EPM2A: variants seen among roughly 807,000 people sequenced by gnomAD.
The protein encoded by EPM2A is laforin.
EPM2A carries 21 observed loss-of-function variants against 26.5 expected under a neutral mutation model. That is an observed-to-expected ratio of 0.79 (90% CI 0.56 to 1.14). EPM2A has a LOEUF of 1.14. Ranked by LOEUF, EPM2A falls within the 50% of genes most tolerant of loss-of-function variation. EPM2A has a pLI of 0.00. For missense variants in EPM2A, 458 were observed against 440.8 expected, an observed-to-expected ratio of 1.04 and a Z score of -0.35; for synonymous variants, 217 against 177.6, an observed-to-expected ratio of 1.22 and a Z score of -1.76.
In EPM2A at chr6:145,626,679, G is replaced by A. The variant is rs1379028753; in HGVS notation, c.*737C>T. 2 of 982,370 alleles carry A rather than the reference G, an allele frequency of 2.0e-6. No homozygotes were observed. The highest frequency in any genetic ancestry group is 3.5e-5 in the African/African-American group (2 of 57,126). 60.9% of individuals were successfully genotyped at this position (982,370 alleles called of 1,614,324 possible). On this transcript the variant is annotated 3_prime_UTR_variant, in exon 4 of 4. Coordinates refer to ENST00000367519, the MANE Select transcript of EPM2A (RefSeq NM_005670.4). The stretch of plus-strand genomic sequence containing the variant: ...GCCCTTGACTGGTCATGAGACCTTG[G>A]ACAAGCTACCTATGCTCATTAAGCC...
At chr6:145,520,131 G>A (rs1391767750) in intron 2 of EPM2A, among the ~76,000 whole-genome samples, 1 of 151,898 alleles carries the variant, frequency 6.6e-6, no homozygotes, top group Non-Finnish European at 1.5e-5. Flanking sequence ...TATAATCATG[G>A]CTCATCCATC....
chr6:145,486,903 CAT>C (rs1481018135), intron 4 of EPM2A, among the ~76,000 whole-genome samples: 4 of 152,012 alleles, frequency 2.6e-5, no homozygotes, highest in African/African-American at 9.7e-5. Context: ...TATAGGTAAA[CAT>C]GTGTCATGGG....
intron 1 of EPM2A, among the ~76,000 whole-genome samples, chr6:145,693,957 G>C (rs1229827246): frequency 6.6e-6 from 1 of 151,806 alleles, no homozygotes; most frequent in Admixed American, 6.6e-5. Flanking sequence ...AGAAACCCTA[G>C]AATTTAAAAA....
Position 145,683,304 on chromosome 6 carries a change from TGTGA to T in EPM2A, c.476+2814_476+2817del, listed in dbSNP as rs1235972233. ...GTGTGTGTGTGTGTGTGTGTGTGTG[TGTGA>T]GTGTGTATATATTAGATTATATATT... is the stretch of plus-strand genomic sequence containing the variant. On this transcript the variant is annotated intron_variant, in intron 2 of 3. Transcript: ENST00000367519. 2.6e-3 allele frequency among the ~76,000 whole-genome samples: 378 copies of T among 145,482 alleles called. 3 individuals carry two copies. The highest frequency in any genetic ancestry group is 9.8e-3 in the East Asian group (49 of 5,002).
chr6:145,444,959 T>G (rs1298405216), intron 4 of EPM2A, among the ~76,000 whole-genome samples: 2 of 152,046 alleles, frequency 1.3e-5, no homozygotes, highest in Non-Finnish European at 2.9e-5. Flanking sequence ...TACTAAAGTG[T>G]GTGTTCCATT....
chr6:145,508,797 G>T (rs996930186), intron 2 of EPM2A, among the ~76,000 whole-genome samples: 1 of 152,086 alleles, frequency 6.6e-6, no homozygotes, highest in Non-Finnish European at 1.5e-5. Context: ...GGATGGCAAA[G>T]AAACTCAACA....
At chr6:145,517,524 A>G (rs549407629) in intron 2 of EPM2A, among the ~76,000 whole-genome samples, 4 of 152,296 alleles carry the variant, frequency 2.6e-5, no homozygotes, top group African/African-American at 9.6e-5. Flanking sequence ...CCAAGATGTT[A>G]TTACTTTCAT....
At chr6:145,567,637 T>C (rs893164945) in intron 2 of EPM2A, among the ~76,000 whole-genome samples, 1 of 152,150 alleles carries the variant, frequency 6.6e-6, no homozygotes, top group Admixed American at 6.5e-5. Context: ...AGAAAACACA[T>C]GGAATTTAGT....
intron 4 of EPM2A, among the ~76,000 whole-genome samples, chr6:145,462,398 A>G (rs1296510476): frequency 6.6e-6 from 1 of 152,146 alleles, no homozygotes; most frequent in Non-Finnish European, 1.5e-5. Flanking sequence ...CATAAAATAC[A>G]TTGTATACAA....
At chr6:145,735,959 T>A (rs1213957831), upstream of EPM2A, 1 of 152,038 alleles carries the variant, frequency 6.6e-6, no homozygotes, top group African/African-American at 2.4e-5. Context: ...TTGGACCTGG[T>A]CTCTGGAGCG....
At chr6:145,562,128 G>GATAA (rs1562383118) in intron 2 of EPM2A, among the ~76,000 whole-genome samples, 2 of 135,424 alleles carry the variant, frequency 1.5e-5, no homozygotes, top group Non-Finnish European at 3.2e-5. Context: ...TTACAAAAAG[G>GATAA]AAAAAAAAAA....
intron 2 of EPM2A, among the ~76,000 whole-genome samples, chr6:145,538,199 G>T (rs1056151568): frequency 6.6e-6 from 1 of 151,840 alleles, no homozygotes. Context: ...CACAATGGTT[G>T]AACTAATTTA....
intron 4 of EPM2A, among the ~76,000 whole-genome samples, chr6:145,406,294 A>G (rs1562322961): frequency 6.6e-6 from 1 of 152,168 alleles, no homozygotes; most frequent in Non-Finnish European, 1.5e-5. Context: ...GTAAGTTCCT[A>G]AAGTATCTAA....
At chr6:145,440,900 G>A (rs1373242640) in intron 4 of EPM2A, among the ~76,000 whole-genome samples, 1 of 152,208 alleles carries the variant, frequency 6.6e-6, no homozygotes, top group Admixed American at 6.5e-5. Flanking sequence ...TTTTCCAGGT[G>A]CATGGTGCAA....
intron 2 of EPM2A, among the ~76,000 whole-genome samples, chr6:145,567,910 C>T (rs1445386087): frequency 6.6e-6 from 1 of 152,098 alleles, no homozygotes; most frequent in African/African-American, 2.4e-5. Flanking sequence ...TCCTACTTCC[C>T]CTCTTTTCTG....
intron 2 of EPM2A, among the ~76,000 whole-genome samples, chr6:145,515,412 A>G (rs899562204): frequency 5.3e-5 from 8 of 152,210 alleles, no homozygotes; most frequent in African/African-American, 1.4e-4. Flanking sequence ...GTAGAATACT[A>G]CAGACTGAGT....
Position 145,626,591 on chromosome 6 carries a change from G to A in EPM2A, c.*825C>T, listed in dbSNP as rs1309163397. 2.0e-6 allele frequency: 2 copies of A among 985,484 alleles called. No individual in the cohort carries two copies. Among genetic ancestry groups the A allele is most frequent in the Non-Finnish European group, 2.4e-6 (2 of 829,810 alleles). The allele number at this position is 985,484 out of a possible 1,614,324, so 61.0% of individuals were successfully genotyped here. On this transcript the variant is annotated 3_prime_UTR_variant, in exon 4 of 4. Transcript: ENST00000367519. ...AAACTAAATGCACTACATGATGCTG[G>A]GAAAACAAGTTGTGATGAAAACAGT...
intron 2 of EPM2A, among the ~76,000 whole-genome samples, chr6:145,645,289 G>T (rs1777376340): frequency 6.6e-6 from 1 of 152,204 alleles, no homozygotes; most frequent in African/African-American, 2.4e-5. Flanking sequence ...TTATGCAAAT[G>T]TTTCAATATT....
rs534335309 is a variant in EPM2A at position 145,395,608 on chromosome 6, T to C, written c.556-11511A>G. On this transcript the variant is annotated intron_variant, in intron 4 of 4. Coordinates refer to the EPM2A transcript ENST00000638717. ...ACCACACTCAGCATCTTTCAACTAG[T>C]CCACTGACCTGCTATAAGACACTTT... Among the ~76,000 whole-genome samples the C allele has an allele frequency of 2.8e-4, 42 of 152,284 alleles. 1 individual carries two copies. Among genetic ancestry groups the C allele is most frequent in the African/African-American group, 7.9e-4 (33 of 41,550 alleles).
Sources: gnomAD v4.1 joint callset for allele counts (sites outside exome capture counted in the v4.1 genomes callset) on GRCh38, gnomAD v4.1.1 for gene constraint, MANE v1.5 for transcripts, NCBI Gene and HGNC (gene_info 2026-07-23, HGNC 2026-07-21) for gene names.